Variants in PCDH7 observed in about 807,000 individuals in gnomAD.
The protein encoded by PCDH7 is protocadherin-7.
In PCDH7, 17 loss-of-function variants were observed where a neutral mutation model predicts 58.9. That is an observed-to-expected ratio of 0.29 (90% CI 0.20 to 0.43). The LOEUF (loss-of-function observed/expected upper bound fraction) is 0.43. Among genes scored for constraint, PCDH7 ranks in the 20% least tolerant of loss-of-function variants. The pLI, the probability that PCDH7 is intolerant of heterozygous loss-of-function variation, is 1.00. For synonymous variants in PCDH7, 664 were observed against 616.4 expected (o/e 1.08, Z -1.14); for missense variants, 1,274 against 1,441.0 (o/e 0.88, Z 1.88).
At chr4:30,791,422 A>G (rs1390331597) in intron 1 of PCDH7, among the ~76,000 whole-genome samples, 1 of 152,160 alleles carries the variant, frequency 6.6e-6, no homozygotes, top group Non-Finnish European at 1.5e-5. Context: ...AACCCAGCCT[A>G]TGTGTGGCCG....
chr4:30,829,229 G>C (rs1408350665), intron 1 of PCDH7, among the ~76,000 whole-genome samples: 1 of 151,984 alleles, frequency 6.6e-6, no homozygotes, highest in Non-Finnish European at 1.5e-5. Flanking sequence ...CCACATTATA[G>C]GCAGAAAGAA....
chr4:31,024,087 G>T (rs1019289635), intron 3 of PCDH7, among the ~76,000 whole-genome samples: 1 of 152,264 alleles, frequency 6.6e-6, no homozygotes, highest in African/African-American at 2.4e-5. Flanking sequence ...TGATGTGGAA[G>T]GGTAGTGATT....
chr4:31,026,411 TAAC>T (rs901725728), intron 3 of PCDH7, among the ~76,000 whole-genome samples: 16 of 152,212 alleles, frequency 1.1e-4, no homozygotes, highest in African/African-American at 3.4e-4. Context: ...GAAGTTGAGA[TAAC>T]AACAGTGGGC....
At chr4:31,092,007 G>A (rs929119083) in intron 3 of PCDH7, among the ~76,000 whole-genome samples, 45 of 151,954 alleles carry the variant, frequency 3.0e-4, no homozygotes, top group Non-Finnish European at 3.5e-4. Context: ...GTCTGATGGA[G>A]TAGCTATTCT....
chr4:30,964,251 T>TTTATTTA (rs386399676), intron 3 of PCDH7, among the ~76,000 whole-genome samples: 1 of 31,422 alleles, frequency 3.2e-5, no homozygotes, highest in Non-Finnish European at 6.2e-5. Flanking sequence ...TATTTATTTA[T>TTTATTTA]TTTTTTTTGA....
At chr4:31,012,888 T>C (rs1753298908) in intron 3 of PCDH7, among the ~76,000 whole-genome samples, 1 of 150,388 alleles carries the variant, frequency 6.6e-6, no homozygotes, top group African/African-American at 2.4e-5. Context: ...CATGTGGCTG[T>C]GGTCCCAGAT....
intron 1 of PCDH7, among the ~76,000 whole-genome samples, chr4:30,908,999 A>G (rs1486130016): frequency 1.3e-5 from 2 of 152,210 alleles, no homozygotes; most frequent in Non-Finnish European, 2.9e-5. Context: ...AGTCAGCTTC[A>G]TCCCTGGGAT....
intron 3 of PCDH7, among the ~76,000 whole-genome samples, chr4:31,016,657 G>C (rs1006262718): frequency 6.6e-6 from 1 of 152,046 alleles, no homozygotes; most frequent in Non-Finnish European, 1.5e-5. Flanking sequence ...TTTGTGGTCT[G>C]TTTGTATAAA....
chr4:30,761,803 A>G lies in PCDH7; in HGVS notation c.70+37207A>G, dbSNP rs188199798. On this transcript the variant is annotated intron_variant, in intron 1 of 3. Coordinates refer to the PCDH7 transcript ENST00000509759. ...AAAATGAATAATATAAAATCTTACAACAGTAATATGAATTAGATATGCTAT... is the reference window on the plus strand; with the variant it reads ...AAAATGAATAATATAAAATCTTACAGCAGTAATATGAATTAGATATGCTAT... 3.2e-3 allele frequency among the ~76,000 whole-genome samples: 492 copies of G among 152,322 alleles called. 1 individual carries two copies. Among genetic ancestry groups the G allele is most frequent in the Middle Eastern group, 6.8e-3 (2 of 294 alleles).
intron 3 of PCDH7, among the ~76,000 whole-genome samples, chr4:31,045,233 T>C (rs1756182975): frequency 6.6e-6 from 1 of 152,080 alleles, no homozygotes; most frequent in African/African-American, 2.4e-5. Context: ...GTGGAATCTC[T>C]GATGCTCTGG....
chr4:30,941,750 G>T (rs553831563), intron 2 of PCDH7, among the ~76,000 whole-genome samples: 25 of 151,920 alleles, frequency 1.6e-4, no homozygotes, highest in African/African-American at 5.8e-4. Flanking sequence ...ACCAAAAAAT[G>T]AGGTAAAATT....
chr4:31,134,133 T>G (rs1168588856), intron 3 of PCDH7, among the ~76,000 whole-genome samples: 1 of 152,126 alleles, frequency 6.6e-6, no homozygotes, highest in Non-Finnish European at 1.5e-5. Context: ...GCAGTGATAT[T>G]GGTCAGTCTA....
At chr4:30,990,613 A>G (rs1251667400) in intron 3 of PCDH7, among the ~76,000 whole-genome samples, 1 of 152,122 alleles carries the variant, frequency 6.6e-6, no homozygotes, top group Non-Finnish European at 1.5e-5. Context: ...TAGCTACTAA[A>G]TCGGCTTTGG....
At chr4:30,860,095 A>G (rs1464522943) in intron 1 of PCDH7, among the ~76,000 whole-genome samples, 1 of 152,196 alleles carries the variant, frequency 6.6e-6, no homozygotes, top group Non-Finnish European at 1.5e-5. Context: ...AACATCAGTA[A>G]GGCATTCAAT....
chr4:30,893,848 C>G (rs1162293093), intron 1 of PCDH7, among the ~76,000 whole-genome samples: 1 of 152,092 alleles, frequency 6.6e-6, no homozygotes, highest in East Asian at 1.9e-4. Flanking sequence ...CACAGGCCTG[C>G]ATGTATCATC....
At chr4:30,953,821 AT>A (rs1747588490) in intron 3 of PCDH7, among the ~76,000 whole-genome samples, 1 of 152,152 alleles carries the variant, frequency 6.6e-6, no homozygotes, top group South Asian at 2.1e-4. Context: ...ATTCTAACAA[AT>A]TTCACACTAC....
chr4:31,027,582 CCA>C (rs1335532173), intron 3 of PCDH7, among the ~76,000 whole-genome samples: 3 of 151,918 alleles, frequency 2.0e-5, no homozygotes, highest in African/African-American at 7.3e-5. Flanking sequence ...ACCACCACGC[CCA>C]ACTAATTTTT....
At chr4:31,002,866 T>G (rs76558179) in intron 3 of PCDH7, among the ~76,000 whole-genome samples, 1,587 of 152,322 alleles carry the variant, frequency 0.01, 13 homozygotes, top group Non-Finnish European at 0.017. Flanking sequence ...ATAATTCCCC[T>G]GCTGAGATCA....
intron 1 of PCDH7, among the ~76,000 whole-genome samples, chr4:30,766,129 T>G (rs553193027): frequency 1.3e-5 from 2 of 150,678 alleles, no homozygotes; most frequent in East Asian, 3.9e-4. Flanking sequence ...AAAAAGGAAC[T>G]GATTCTGATG....
Sources: allele counts gnomAD v4.1 joint callset (sites outside exome capture counted in the v4.1 genomes callset), GRCh38; gene constraint gnomAD v4.1.1; transcripts MANE v1.5; gene names NCBI Gene and HGNC (gene_info 2026-07-23, HGNC 2026-07-21).